The following RPS6KC1 variants were observed in gnomAD, a reference collection of about 807,000 sequenced individuals.
RPS6KC1 encodes inactive ribosomal protein S6 kinase delta-1.
A neutral mutation model predicts 103.8 loss-of-function variants in RPS6KC1; 54 were observed. The observed-to-expected ratio is 0.52, with a 90% CI of 0.42 to 0.65. The LOEUF (loss-of-function observed/expected upper bound fraction) is 0.65, where lower values mean the gene tolerates loss of function less well. RPS6KC1 is among the 30% of genes least tolerant of loss of function. The pLI, the probability that RPS6KC1 is intolerant of heterozygous loss-of-function variation, is 0.00. For missense variants in RPS6KC1, 1,151 were observed against 1,253.8 expected (o/e 0.92, Z 1.24); for synonymous variants, 439 against 438.7 (o/e 1.00, Z -0.01).
At chr1:213,518,977 A>T in the RPS6KC1 span, among the ~76,000 whole-genome samples, 1 of 152,200 alleles carries the variant, frequency 6.6e-6, no homozygotes, top group Non-Finnish European at 1.5e-5. Context: ...CGACCCATTC[A>T]TTTTGTAAGA....
the RPS6KC1 span, among the ~76,000 whole-genome samples, chr1:213,742,924 A>G: frequency 6.6e-6 from 1 of 152,190 alleles, no homozygotes; most frequent in Non-Finnish European, 1.5e-5. Context: ...ACACTTATAC[A>G]CTGTTGGTGG....
the RPS6KC1 span, among the ~76,000 whole-genome samples, chr1:213,526,140 A>G: frequency 2.0e-5 from 3 of 152,192 alleles, no homozygotes; most frequent in Non-Finnish European, 2.9e-5. Context: ...TAAGGAAGAG[A>G]GGAGGGCACA....
At chr1:213,788,330 T>A in the RPS6KC1 span, among the ~76,000 whole-genome samples, 2 of 152,114 alleles carry the variant, frequency 1.3e-5, no homozygotes, top group African/African-American at 4.8e-5. Flanking sequence ...ATGCCAAAAA[T>A]TTTATTTATC....
intron 3 of RPS6KC1, among the ~76,000 whole-genome samples, chr1:213,101,563 T>A (rs1572529914): frequency 1.3e-5 from 2 of 152,326 alleles, no homozygotes; most frequent in South Asian, 4.1e-4. Context: ...CCTCCAATTT[T>A]TTTTTGTATT....
At chr1:213,344,225 T>C in the RPS6KC1 span, among the ~76,000 whole-genome samples, 1 of 152,114 alleles carries the variant, frequency 6.6e-6, no homozygotes, top group African/African-American at 2.4e-5. Flanking sequence ...AAAAAATCAG[T>C]ACAAGTTAGA....
chr1:213,573,412 T>A, the RPS6KC1 span, among the ~76,000 whole-genome samples: 1 of 152,186 alleles, frequency 6.6e-6, no homozygotes, highest in African/African-American at 2.4e-5. Context: ...TCAGCTTGGT[T>A]GGGACTCTCA....
chr1:213,778,079 G>T, the RPS6KC1 span, among the ~76,000 whole-genome samples: 3 of 152,254 alleles, frequency 2.0e-5, no homozygotes, highest in South Asian at 6.2e-4. Flanking sequence ...ATCATAACAC[G>T]ATGCCACAGC....
At chr1:213,388,924 G>A in the RPS6KC1 span, among the ~76,000 whole-genome samples, 1,337 of 152,330 alleles carry the variant, frequency 8.8e-3, 45 homozygotes, top group East Asian at 0.088. Flanking sequence ...GGCAGTGAGA[G>A]CTAGAGTTAG....
chr1:213,400,571 A>T, the RPS6KC1 span, among the ~76,000 whole-genome samples: 4 of 152,042 alleles, frequency 2.6e-5, no homozygotes, highest in Admixed American at 6.5e-5. Flanking sequence ...AAGCCCAGAG[A>T]GGTCAGGTGA....
chr1:213,861,361 G>A, the RPS6KC1 span, among the ~76,000 whole-genome samples: 5,660 of 152,144 alleles, frequency 0.037, 363 homozygotes, highest in African/African-American at 0.13. Context: ...CCTTATCACC[G>A]CACACTTTCT....
At chr1:213,545,782 G>A in the RPS6KC1 span, among the ~76,000 whole-genome samples, 1 of 152,130 alleles carries the variant, frequency 6.6e-6, no homozygotes, top group Non-Finnish European at 1.5e-5. Flanking sequence ...CCCACATTCT[G>A]CTCTTTCTCT....
At chr1:213,197,723 T>G (rs138294529) in intron 8 of RPS6KC1, among the ~76,000 whole-genome samples, 1 of 152,282 alleles carries the variant, frequency 6.6e-6, no homozygotes, top group African/African-American at 2.4e-5. Flanking sequence ...TCTTTAGGGT[T>G]TTCTAGGTAT....
rs2091141860 is a variant in RPS6KC1, at chr1:213,167,959, G to C, written c.937G>C (p.Asp313His). 5.0e-6 allele frequency: 8 copies of C among 1,609,512 alleles called. No homozygotes were observed. Among genetic ancestry groups the C allele is most frequent in the Non-Finnish European group, 6.8e-6 (8 of 1,176,174 alleles). Residue 313 changes from aspartate to histidine, a missense_variant, in exon 7 of 15, where the codon GAT becomes CAT. Transcript: ENST00000366960. ...TAGTCTTTATGGGAAACCTCAGCTT[G>C]ATGATGTATCTCAGGTATGTCTCAT... ...ISSLYGKPQL[D>H]DVSQPPGSLS...
intron 4 of RPS6KC1, among the ~76,000 whole-genome samples, chr1:213,107,935 G>A (rs1294300918): frequency 6.6e-6 from 1 of 152,098 alleles, no homozygotes; most frequent in Admixed American, 6.5e-5. Context: ...TTGGTGAAAT[G>A]TCCATTAAAA....
At chr1:213,732,663 G>A in the RPS6KC1 span, among the ~76,000 whole-genome samples, 1 of 152,182 alleles carries the variant, frequency 6.6e-6, no homozygotes, top group Non-Finnish European at 1.5e-5. Context: ...GCATGATGGG[G>A]ATAGTGGGAG....
At chr1:213,358,029 G>A in the RPS6KC1 span, among the ~76,000 whole-genome samples, 7 of 152,144 alleles carry the variant, frequency 4.6e-5, no homozygotes, top group African/African-American at 1.4e-4. Context: ...TGCTGGATTC[G>A]GTTTGCCAGT....
the RPS6KC1 span, among the ~76,000 whole-genome samples, chr1:213,752,415 C>A: frequency 6.6e-6 from 1 of 151,996 alleles, no homozygotes; most frequent in Non-Finnish European, 1.5e-5. Flanking sequence ...ATTGACAAAT[C>A]GATGCCAGGT....
the RPS6KC1 span, among the ~76,000 whole-genome samples, chr1:213,627,237 G>A: frequency 1.2e-4 from 18 of 152,156 alleles, no homozygotes; most frequent in African/African-American, 4.3e-4. Flanking sequence ...TGTTATTGGT[G>A]TATAAGAATA....
intron 5 of RPS6KC1, among the ~76,000 whole-genome samples, chr1:213,122,457 A>G (rs1310862124): frequency 6.6e-6 from 1 of 152,178 alleles, no homozygotes; most frequent in African/African-American, 2.4e-5. Flanking sequence ...ACTTTGAGGC[A>G]AGATCATTTT....
Sources: allele counts gnomAD v4.1 joint callset (sites outside exome capture counted in the v4.1 genomes callset), GRCh38; gene constraint gnomAD v4.1.1; transcripts MANE v1.5; gene names NCBI Gene and HGNC (gene_info 2026-07-23, HGNC 2026-07-21).